The following SLC25A48 variants were observed in gnomAD, a reference collection of about 807,000 sequenced individuals.
SLC25A48 encodes the protein CTC-321K16.1.
A neutral mutation model predicts 32.2 loss-of-function variants in SLC25A48; 29 were observed. The observed-to-expected ratio is 0.90, with a 90% CI of 0.67 to 1.23. The LOEUF is 1.23. Ranked by LOEUF, SLC25A48 falls within the 50% of genes most tolerant of loss-of-function variation. The pLI is 0.00. For missense variants in SLC25A48, 399 were observed against 422.7 expected, an observed-to-expected ratio of 0.94 and a Z score of 0.49; for synonymous variants, 164 against 172.3, an observed-to-expected ratio of 0.95 and a Z score of 0.38.
intron 3 of SLC25A48, among the ~76,000 whole-genome samples, chr5:135,666,169 C>CTAAG (rs1753521057): frequency 6.6e-6 from 1 of 152,222 alleles, no homozygotes. Flanking sequence ...CCACCATTCA[C>CTAAG]TAAGACCCTG....
At chr5:135,745,694 G>A (rs1205820439) in intron 3 of SLC25A48, among the ~76,000 whole-genome samples, 1 of 152,140 alleles carries the variant, frequency 6.6e-6, no homozygotes, top group Non-Finnish European at 1.5e-5. Context: ...GCTAGCTCAC[G>A]TGTTTATATT....
intron 3 of SLC25A48, among the ~76,000 whole-genome samples, chr5:135,797,933 G>T (rs966894738): frequency 9.9e-5 from 15 of 151,730 alleles, no homozygotes; most frequent in African/African-American, 3.6e-4. Context: ...TCCCAATACC[G>T]CATGGGGTGT....
At chr5:135,763,799 G>A (rs966090166) in intron 3 of SLC25A48, among the ~76,000 whole-genome samples, 2 of 136,134 alleles carry the variant, frequency 1.5e-5, no homozygotes, top group African/African-American at 5.4e-5. Flanking sequence ...ACGAGAGAGA[G>A]ACAGAGAAAA....
rs963028464 is a variant in SLC25A48 at position 135,837,722 on chromosome 5, A to G, written c.46+2829A>G. Among the ~76,000 whole-genome samples, 4 of 152,194 alleles carry G rather than the reference A, an allele frequency of 2.6e-5. No individual in the cohort carries two copies. In the East Asian group the frequency reaches 7.7e-4, roughly 29 times the overall value. ...GCTCTCTTTTTCCCTGGCACCATGT[A>G]AGATGTGACTTTGCTCCTCTTTAAC... On this transcript the variant is annotated intron_variant, in intron 1 of 7. Coordinates refer to ENST00000681962, the MANE Select transcript of SLC25A48 (RefSeq NM_001349336.2).
chr5:135,656,794 C>T (rs564788227), intron 3 of SLC25A48, among the ~76,000 whole-genome samples: 7 of 152,076 alleles, frequency 4.6e-5, no homozygotes, highest in South Asian at 2.1e-4. Context: ...AGCCAAGGAA[C>T]GCCTGGGACT....
At chr5:135,869,186 C>CA (rs796133730) in intron 4 of SLC25A48, among the ~76,000 whole-genome samples, 6 of 150,274 alleles carry the variant, frequency 4.0e-5, no homozygotes, top group Admixed American at 1.3e-4. Flanking sequence ...AAAGTTTTTT[C>CA]AAAAAAAAAT....
chr5:135,851,220 G>A (rs968178776), intron 3 of SLC25A48, among the ~76,000 whole-genome samples: 4 of 152,274 alleles, frequency 2.6e-5, no homozygotes, highest in East Asian at 1.9e-4. Flanking sequence ...CCTGGGGCTC[G>A]GAAGCCTCCT....
intron 1 of SLC25A48, among the ~76,000 whole-genome samples, chr5:135,838,990 G>A (rs1194317203): frequency 6.6e-6 from 1 of 152,196 alleles, no homozygotes; most frequent in Non-Finnish European, 1.5e-5. Context: ...ACCACAGAAT[G>A]GTAGATCCAC....
At chr5:135,810,856 G>A (rs532170055) in intron 3 of SLC25A48, among the ~76,000 whole-genome samples, 31 of 152,260 alleles carry the variant, frequency 2.0e-4, no homozygotes, top group Non-Finnish European at 2.2e-4. Context: ...GCCAGCACTC[G>A]CAAGGGTTCT....
intron 2 of SLC25A48, among the ~76,000 whole-genome samples, chr5:135,632,756 G>A (rs990643686): frequency 6.6e-6 from 1 of 152,168 alleles, no homozygotes; most frequent in Admixed American, 6.5e-5. Context: ...ATTTGTGGTT[G>A]CCAGCCCCAT....
At chr5:135,809,749 A>G (rs1367755284) in intron 3 of SLC25A48, among the ~76,000 whole-genome samples, 1 of 152,192 alleles carries the variant, frequency 6.6e-6, no homozygotes, top group African/African-American at 2.4e-5. Flanking sequence ...TCATCTTTTG[A>G]GCCTAGCTGC....
At chr5:135,626,911 C>T (rs780111050) in intron 1 of SLC25A48, among the ~76,000 whole-genome samples, 1 of 152,184 alleles carries the variant, frequency 6.6e-6, no homozygotes. Context: ...ACTGACCATC[C>T]AGGGTCCAGC....
chr5:135,612,490 C>T (rs1022162302), intron 1 of SLC25A48, among the ~76,000 whole-genome samples: 2 of 152,142 alleles, frequency 1.3e-5, no homozygotes, highest in African/African-American at 4.8e-5. Context: ...CTATCTGTAT[C>T]GTCTGTCCCC....
intron 3 of SLC25A48, among the ~76,000 whole-genome samples, chr5:135,749,247 C>A (rs2127006887): frequency 6.6e-6 from 1 of 152,080 alleles, no homozygotes; most frequent in Admixed American, 6.6e-5. Flanking sequence ...TCACCCCTCC[C>A]CACAACAAGG....
chr5:135,765,451 C>T (rs962699159), intron 3 of SLC25A48, among the ~76,000 whole-genome samples: 5 of 151,486 alleles, frequency 3.3e-5, no homozygotes, highest in Non-Finnish European at 7.4e-5. Context: ...CTCACCATAT[C>T]GCAGGGCGTG....
At chr5:135,780,499 C>T (rs1458455848) in intron 3 of SLC25A48, among the ~76,000 whole-genome samples, 1 of 116,806 alleles carries the variant, frequency 8.6e-6, no homozygotes, top group East Asian at 2.2e-4. Flanking sequence ...GAGAGAAAGA[C>T]GTCACTCCCA....
intron 3 of SLC25A48, among the ~76,000 whole-genome samples, chr5:135,741,890 C>T (rs62364633): frequency 6.6e-6 from 1 of 152,206 alleles, no homozygotes; most frequent in East Asian, 1.9e-4. Flanking sequence ...GAAAAAGAAG[C>T]GTGAATGTAA....
chr5:135,835,808 C>A (rs1435412269), intron 1 of SLC25A48, among the ~76,000 whole-genome samples: 2 of 151,722 alleles, frequency 1.3e-5, no homozygotes, highest in Non-Finnish European at 2.9e-5. Flanking sequence ...AACAACAAAC[C>A]AGATTGGATC....
At chr5:135,787,940 G>A (rs1580879434) in intron 3 of SLC25A48, among the ~76,000 whole-genome samples, 3 of 152,074 alleles carry the variant, frequency 2.0e-5, no homozygotes, top group Admixed American at 2.0e-4. Context: ...AGTCACAACG[G>A]TGGTATACCC....
Sources: allele counts gnomAD v4.1 joint callset (sites outside exome capture counted in the v4.1 genomes callset), GRCh38; gene constraint gnomAD v4.1.1; transcripts MANE v1.5; gene names NCBI Gene and HGNC (gene_info 2026-07-23, HGNC 2026-07-21).